The following SLC49A4 variants were observed in gnomAD, a reference collection of about 807,000 sequenced individuals.
SLC49A4 encodes disrupted in renal cancer protein 2.
A neutral mutation model predicts 50.6 loss-of-function variants in SLC49A4; 36 were observed. The ratio of observed to expected loss-of-function variants is 0.71; its 90% confidence interval spans 0.55 to 0.94. The LOEUF (loss-of-function observed/expected upper bound fraction) is 0.94, where lower values mean the gene tolerates loss of function less well. Ranked by LOEUF, SLC49A4 falls within the 40% of genes least tolerant of loss-of-function variation. The pLI, the probability that SLC49A4 is intolerant of heterozygous loss-of-function variation, is 0.00. For missense variants in SLC49A4, 503 were observed against 605.7 expected (o/e 0.83, Z 1.78); for synonymous variants, 248 against 241.2 (o/e 1.03, Z -0.26).
chr3:122,806,797 T>C (rs1936224805), intron 1 of SLC49A4, 60 bp from the exon 2 acceptor site: 10 of 1,046,904 alleles, frequency 9.6e-6, no homozygotes, highest in Non-Finnish European at 1.2e-5. Flanking sequence ...ATAATCTTTA[T>C]TTTTAACATT....
intron 3 of SLC49A4, among the ~76,000 whole-genome samples, chr3:122,829,713 C>CT (rs1341971301): frequency 6.6e-6 from 1 of 152,218 alleles, no homozygotes; most frequent in Non-Finnish European, 1.5e-5. Context: ...GATCACACCA[C>CT]TGCACTCCAG....
intron 8 of SLC49A4, 75 bp downstream of exon 8, chr3:122,872,672 T>G: frequency 9.4e-7 from 1 of 1,061,084 alleles, no homozygotes; most frequent in Non-Finnish European, 1.3e-6. Context: ...TATAGAAGTT[T>G]TTATATGGAG....
chr3:122,835,743 T>C (rs1003474659), intron 4 of SLC49A4, among the ~76,000 whole-genome samples: 1 of 152,028 alleles, frequency 6.6e-6, no homozygotes, highest in Admixed American at 6.6e-5. Context: ...GTACTAGAAG[T>C]CCTAGCCAGA....
intron 2 of SLC49A4, among the ~76,000 whole-genome samples, chr3:122,818,962 T>G (rs1042827285): frequency 1.4e-5 from 2 of 146,308 alleles, no homozygotes; most frequent in Non-Finnish European, 3.0e-5. Context: ...AAAAAAAAAA[T>G]ATTGTGAGAG....
chr3:122,801,138 A>G (rs1479558931), intron 1 of SLC49A4, among the ~76,000 whole-genome samples: 2 of 152,240 alleles, frequency 1.3e-5, no homozygotes, highest in East Asian at 1.9e-4. Context: ...GTAGAGAGCA[A>G]TCTGACAGTG....
intron 5 of SLC49A4, among the ~76,000 whole-genome samples, chr3:122,846,396 T>C (rs1048452545): frequency 1.3e-5 from 2 of 152,142 alleles, no homozygotes; most frequent in Non-Finnish European, 2.9e-5. Flanking sequence ...TGCTGTGATA[T>C]TCTATTGTAT....
intron 1 of SLC49A4, among the ~76,000 whole-genome samples, chr3:122,804,628 A>G (rs942125525): frequency 3.9e-5 from 6 of 152,200 alleles, no homozygotes; most frequent in African/African-American, 1.4e-4. Flanking sequence ...ACCACACTGT[A>G]CTTGTGAGGT....
chr3:122,835,791 T>C (rs1435041946), intron 4 of SLC49A4, among the ~76,000 whole-genome samples: 5 of 152,084 alleles, frequency 3.3e-5, no homozygotes, highest in Non-Finnish European at 5.9e-5. Context: ...GGCATCCAAA[T>C]TGGAAAAAGA....
At chr3:122,840,592 A>G (rs1936757492) in intron 4 of SLC49A4, among the ~76,000 whole-genome samples, 1 of 152,174 alleles carries the variant, frequency 6.6e-6, no homozygotes, top group Admixed American at 6.5e-5. Context: ...TTAACATGTA[A>G]TCAATATTAA....
chr3:122,800,045 C>T (rs979727535), intron 1 of SLC49A4, among the ~76,000 whole-genome samples: 2 of 151,970 alleles, frequency 1.3e-5, no homozygotes, highest in African/African-American at 4.8e-5. Flanking sequence ...AGGGGAGAGG[C>T]CTGTGCAGTA....
chr3:122,795,587 G>A (rs746443156), intron 1 of SLC49A4, 52 bp downstream of exon 1: 3 of 1,538,570 alleles, frequency 1.9e-6, no homozygotes, highest in Non-Finnish European at 2.6e-6. Context: ...GGGAGCAGGC[G>A]CCTGCCCGCG....
At chr3:122,814,980 G>A (rs1039053643) in intron 2 of SLC49A4, among the ~76,000 whole-genome samples, 5 of 152,118 alleles carry the variant, frequency 3.3e-5, no homozygotes, top group Non-Finnish European at 7.4e-5. Context: ...CAGGACCTAG[G>A]CCCCTTCTCT....
chr3:122,818,346 G>A (rs1047941586), intron 2 of SLC49A4, among the ~76,000 whole-genome samples: 4 of 152,162 alleles, frequency 2.6e-5, no homozygotes, highest in Non-Finnish European at 4.4e-5. Flanking sequence ...AAGAGAGTGA[G>A]AGATGCATTA....
intron 4 of SLC49A4, among the ~76,000 whole-genome samples, chr3:122,844,306 C>G (rs1936818399): frequency 6.6e-6 from 1 of 152,132 alleles, no homozygotes; most frequent in South Asian, 2.1e-4. Flanking sequence ...CTCCTGGCCT[C>G]AAGTTATTCT....
intron 8 of SLC49A4, among the ~76,000 whole-genome samples, chr3:122,875,438 C>A (rs545434080): frequency 6.6e-6 from 1 of 152,202 alleles, no homozygotes; most frequent in East Asian, 1.9e-4. Flanking sequence ...GCAACGTTGG[C>A]CTCCCAGCCT....
Position 122,845,828 on chromosome 3 carries a change from C to G in SLC49A4, c.899C>G (p.Ser300Cys), listed in dbSNP as rs1320319770. The G allele has an allele frequency of 1.4e-5, 22 of 1,612,332 alleles. No individual in the cohort carries two copies. Among genetic ancestry groups the G allele is most frequent in the Non-Finnish European group, 1.6e-5 (19 of 1,179,286 alleles). Residue 300 changes from serine (S) to cysteine (C), a missense_variant, in exon 5 of 9, where the codon TCT (serine) becomes TGT (cysteine). Physicochemically the swap from Ser to Cys is moderately radical, Grantham distance 112. Transcript: ENST00000261038. ...CCACTTGGTGTATTTGCTGGCTGGT[C>G]TGGAGTTCTGGACTTAATTTTAACA... ...AIPLGVFAGWSGVLDLILTPA... is the reference protein window; with the variant it reads ...AIPLGVFAGWCGVLDLILTPA...
At chr3:122,820,345 A>G (rs930715205) in intron 2 of SLC49A4, among the ~76,000 whole-genome samples, 2 of 152,240 alleles carry the variant, frequency 1.3e-5, no homozygotes, top group African/African-American at 4.8e-5. Context: ...AAGGAAAGTT[A>G]TAAAATTATA....
Position 122,795,255 on chromosome 3 carries a change from T to C in SLC49A4, c.63T>C (p.Pro21=). ...CGCTGCTGGGGCCCGGGCTCGGGCC[T>C]GGGCTGGGGGCCTCCTGGAGAAGCC... ...RQPLLGPGLG[P]GLGASWRSRE... is the part of the protein sequence containing the mutation. The change falls in exon 1 of 9, where the codon CCT becomes CCC. Residue 21 remains proline (P), a synonymous_variant. Coordinates refer to ENST00000261038, the MANE Select transcript of SLC49A4 (RefSeq NM_032839.3). 2 of 1,380,130 alleles carry C rather than the reference T, an allele frequency of 1.4e-6. No homozygotes were observed. The highest frequency in any genetic ancestry group is 1.9e-6 in the Non-Finnish European group (2 of 1,079,262). The allele number at this position is 1,380,130 out of a possible 1,614,324, so 85.5% of individuals were successfully genotyped here.
intron 3 of SLC49A4, among the ~76,000 whole-genome samples, chr3:122,830,032 G>T (rs751594898): frequency 6.6e-6 from 1 of 152,144 alleles, no homozygotes; most frequent in Non-Finnish European, 1.5e-5. Context: ...AAAATCAATT[G>T]TCTATATATT....
Sources: gnomAD v4.1 joint callset for allele counts (sites outside exome capture counted in the v4.1 genomes callset) on GRCh38, gnomAD v4.1.1 for gene constraint, MANE v1.5 for transcripts, NCBI Gene and HGNC (gene_info 2026-07-23, HGNC 2026-07-21) for gene names.